The following CAPN7 variants were observed in gnomAD, a reference collection of about 807,000 sequenced individuals.
CAPN7 encodes calpain 7, also known as calpain-7.
A neutral mutation model predicts 115.2 loss-of-function variants in CAPN7; 72 were observed. The ratio of observed to expected loss-of-function variants is 0.63; its 90% confidence interval spans 0.52 to 0.76. The LOEUF (loss-of-function observed/expected upper bound fraction) is 0.76, where lower values mean the gene tolerates loss of function less well. Ranked by LOEUF, CAPN7 falls within the 30% of genes least tolerant of loss-of-function variation. The probability of loss-of-function intolerance (pLI) is 0.00; values close to 1 mark genes in which losing one functional copy is unlikely to be tolerated. For missense variants in CAPN7, 905 were observed against 971.5 expected (o/e 0.93, Z 0.91); for synonymous variants, 344 against 322.3 (o/e 1.07, Z -0.72).
intron 1 of CAPN7, among the ~76,000 whole-genome samples, chr3:15,210,190 G>A (rs1041565494): frequency 1.3e-5 from 2 of 151,532 alleles, no homozygotes; most frequent in Non-Finnish European, 2.9e-5. Flanking sequence ...CCAGAAATGG[G>A]GATTTCACTA....
chr3:15,215,947 G>A (rs769847674), intron 2 of CAPN7, among the ~76,000 whole-genome samples: 3 of 152,126 alleles, frequency 2.0e-5, no homozygotes, highest in East Asian at 1.9e-4. Flanking sequence ...TTAGCCAAGC[G>A]TGATGGTGCA....
At chr3:15,228,042 T>TTTAGGTGA in intron 7 of CAPN7, 77 bp downstream of exon 7, 1 of 1,116,360 alleles carries the variant, frequency 9.0e-7, no homozygotes, top group Non-Finnish European at 1.2e-6. Flanking sequence ...GAGTTTTTTC[T>TTTAGGTGA]TAGATTTTTT....
chr3:15,235,711 AG>A (rs1274226319), intron 12 of CAPN7, among the ~76,000 whole-genome samples: 1 of 151,714 alleles, frequency 6.6e-6, no homozygotes, highest in Admixed American at 6.6e-5. Context: ...CTGATCTGAC[AG>A]GGGGCAGAGC....
chr3:15,206,254 C>T lies in CAPN7; in HGVS notation c.-242C>T, dbSNP rs1453147075. 3 of 387,922 alleles carry T rather than the reference C, an allele frequency of 7.7e-6. No homozygotes were observed. The highest frequency in any genetic ancestry group is 4.7e-5 in the East Asian group (1 of 21,212). 24.0% of individuals were successfully genotyped at this position (387,922 alleles called of 1,614,324 possible). A position where few individuals can be genotyped will look rare whatever the true frequency, so the allele number is the denominator to read the frequency against. ...CGGCTGGTGGGCGGGGCGAGGGCCG[C>T]TGGGGCCGCGAAGTGGGGCGGCCGG... On this transcript the variant is annotated 5_prime_UTR_variant, in exon 1 of 21. Transcript: ENST00000253693.
Position 15,240,209 on chromosome 3 carries a change from G to A in CAPN7, c.1408-264G>A, listed in dbSNP as rs202127919. ...TTAACATTTGAAATGTGGCTGCTGT[G>A]ACTAAGGAACTGATTTTTGAATTTT... On this transcript the variant is annotated intron_variant, in intron 12 of 20. Transcript: ENST00000253693. 4.6e-5 allele frequency among the ~76,000 whole-genome samples: 7 copies of A among 152,330 alleles called. No homozygotes were observed. In the East Asian group the frequency reaches 1.3e-3, roughly 29 times the overall value.
At chr3:15,213,977 T>C (rs1575160616) in intron 2 of CAPN7, among the ~76,000 whole-genome samples, 1 of 150,172 alleles carries the variant, frequency 6.7e-6, no homozygotes, top group Admixed American at 6.7e-5. Context: ...GCCTCCGGGG[T>C]TCACGCCATT....
rs1489206932 is a variant in CAPN7 at position 15,251,815 on chromosome 3, G to A, written c.*555G>A. 2.6e-5 allele frequency: 4 copies of A among 152,152 alleles called. No individual in the cohort carries two copies. Among genetic ancestry groups the A allele is most frequent in the Non-Finnish European group, 5.9e-5 (4 of 68,040 alleles). The allele number at this position is 152,152 out of a possible 1,614,324, so 9.4% of individuals were successfully genotyped here. A position where few individuals can be genotyped will look rare whatever the true frequency, so the allele number is the denominator to read the frequency against. On this transcript the variant is annotated 3_prime_UTR_variant, in exon 21 of 21. Coordinates refer to ENST00000253693, the MANE Select transcript of CAPN7 (RefSeq NM_014296.3). ...TGATTTTAAAATATTTGTTGCCCAG[G>A]TGTTATGAAAGAATAAAGCTTTTAA...
Position 15,240,553 on chromosome 3 carries a change from C to T in CAPN7, c.1488C>T (p.Asn496=), listed in dbSNP as rs1695280018. The T allele has an allele frequency of 1.2e-6, 2 of 1,613,268 alleles. No homozygotes were observed. Residue 496 remains asparagine, a synonymous_variant, in exon 13 of 21, where the codon AAC becomes AAT. Coordinates refer to ENST00000253693, the MANE Select transcript of CAPN7 (RefSeq NM_014296.3). ...GATACAGTGAAAATGATGTAAAAAA[C>T]TGGACTCCAGAGTTGCAAAAGTATT... The part of the protein sequence containing the change: ...KGRYSENDVK[N]WTPELQKYLN...
At chr3:15,225,122 G>A (rs1042395789) in intron 6 of CAPN7, among the ~76,000 whole-genome samples, 1 of 152,156 alleles carries the variant, frequency 6.6e-6, no homozygotes, top group Non-Finnish European at 1.5e-5. Context: ...AAAACCCTGA[G>A]AATGGTGCTG....
intron 1 of CAPN7, among the ~76,000 whole-genome samples, chr3:15,211,827 T>C (rs2044970215): frequency 6.6e-6 from 1 of 151,934 alleles, no homozygotes; most frequent in South Asian, 2.1e-4. Context: ...CCTGGGGAGG[T>C]TGAGCTGAGC....
At chr3:15,208,015 C>T (rs1432007578) in intron 1 of CAPN7, among the ~76,000 whole-genome samples, 1 of 152,132 alleles carries the variant, frequency 6.6e-6, no homozygotes, top group Non-Finnish European at 1.5e-5. Context: ...TTGTTTACAT[C>T]AGCATCACCA....
intron 8 of CAPN7, 57 bp from the exon 9 acceptor site, chr3:15,230,385 A>G (rs538716045): frequency 2.6e-5 from 29 of 1,099,272 alleles, no homozygotes; most frequent in South Asian, 8.8e-5. Context: ...TGTGCTGTAT[A>G]GTAGTTGATA....
intron 2 of CAPN7, among the ~76,000 whole-genome samples, chr3:15,215,592 G>C (rs1490378729): frequency 1.3e-5 from 2 of 152,194 alleles, no homozygotes; most frequent in Non-Finnish European, 2.9e-5. Context: ...CCAAAACATG[G>C]CCCTTTTGCC....
At chr3:15,242,306 T>C (rs1695397014) in intron 16 of CAPN7, 53 bp downstream of exon 16, 1 of 1,132,676 alleles carries the variant, frequency 8.8e-7, no homozygotes. Context: ...AGATTTTATT[T>C]ATATGATTAA....
intron 12 of CAPN7, among the ~76,000 whole-genome samples, chr3:15,236,077 G>T (rs1303943138): frequency 6.6e-6 from 1 of 152,154 alleles, no homozygotes; most frequent in Non-Finnish European, 1.5e-5. Flanking sequence ...AGGCTGAGGT[G>T]GGAAGATTGC....
chr3:15,221,144 A>G (rs2124916535), intron 5 of CAPN7, 163 bp downstream of exon 5: 2 of 525,140 alleles, frequency 3.8e-6, no homozygotes. Flanking sequence ...AAATAGTTAA[A>G]ATTTTAGTTC....
chr3:15,233,841 A>G (rs886092777), intron 10 of CAPN7, 26 bp from the exon 11 acceptor site: 7 of 1,179,140 alleles, frequency 5.9e-6, no homozygotes, highest in Non-Finnish European at 8.9e-6. Context: ...TGACACTGGC[A>G]GTCCTGAAAT....
chr3:15,224,856 A>G (rs1694220551), intron 6 of CAPN7, among the ~76,000 whole-genome samples: 1 of 152,228 alleles, frequency 6.6e-6, no homozygotes, highest in South Asian at 2.1e-4. Flanking sequence ...AGGGTTAGGT[A>G]TCACAAAGCC....
At chr3:15,229,773 T>C (rs539042635) in intron 8 of CAPN7, among the ~76,000 whole-genome samples, 5 of 152,076 alleles carry the variant, frequency 3.3e-5, no homozygotes, top group African/African-American at 1.2e-4. Flanking sequence ...AACATATTTC[T>C]GTTGGCTTGA....
Sources: allele counts gnomAD v4.1 joint callset (sites outside exome capture counted in the v4.1 genomes callset), GRCh38; gene constraint gnomAD v4.1.1; transcripts MANE v1.5; gene names NCBI Gene and HGNC (gene_info 2026-07-23, HGNC 2026-07-21).